TAF1B: variants seen among roughly 807,000 people sequenced by gnomAD.
TAF1B encodes the protein TATA box-binding protein-associated factor RNA polymerase I subunit B.
A neutral mutation model predicts 83.9 loss-of-function variants in TAF1B; 61 were observed. That is an observed-to-expected ratio of 0.73 (90% CI 0.59 to 0.90). The LOEUF (loss-of-function observed/expected upper bound fraction) is 0.90. TAF1B is among the 40% of genes least tolerant of loss of function. The pLI is 0.00. For synonymous variants in TAF1B, 221 were observed against 224.6 expected, an observed-to-expected ratio of 0.98 and a Z score of 0.14; for missense variants, 625 against 677.0, an observed-to-expected ratio of 0.92 and a Z score of 0.85.
At chr2:9,867,618 A>T (rs1664029187) in intron 5 of TAF1B, among the ~76,000 whole-genome samples, 1 of 151,994 alleles carries the variant, frequency 6.6e-6, no homozygotes, top group African/African-American at 2.4e-5. Flanking sequence ...TTTGACTGTG[A>T]TCGGTTTGCC....
chr2:9,864,782 A>G lies in TAF1B; in HGVS notation c.400-3494A>G, dbSNP rs1380754507. On this transcript the variant is annotated intron_variant, in intron 5 of 14. Coordinates refer to ENST00000263663, the MANE Select transcript of TAF1B (RefSeq NM_005680.3). ...CATCCCTGGGATGCAAGGCTGGTTC[A>G]ACATACAAAAATCAATAAACATAAT... 2.0e-5 allele frequency among the ~76,000 whole-genome samples: 3 copies of G among 152,182 alleles called. No individual in the cohort carries two copies. In the East Asian group the frequency reaches 5.8e-4, roughly 29 times the overall value.
chr2:9,882,903 G>GT, intron 8 of TAF1B, 98 bp downstream of exon 8: 1 of 829,540 alleles, frequency 1.2e-6, no homozygotes, highest in African/African-American at 1.7e-5. Flanking sequence ...GGTGTTTTGT[G>GT]TTTTATCCCA....
Position 9,856,366 on chromosome 2 carries a change from A to G in TAF1B, c.399+1945A>G, listed in dbSNP as rs181892405. On this transcript the variant is annotated intron_variant, in intron 5 of 14. Coordinates refer to ENST00000263663, the MANE Select transcript of TAF1B (RefSeq NM_005680.3). ...CGTTTGGAGAATGTTTTAAAATATG[A>G]GATAATGAATTTAAATAAACTCAAG... Among the ~76,000 whole-genome samples the G allele has an allele frequency of 2.6e-5, 4 of 152,184 alleles. No individual in the cohort carries two copies. In the East Asian group the frequency reaches 7.7e-4, roughly 29 times the overall value.
chr2:9,923,175 T>C (rs1015420018), intron 14 of TAF1B, among the ~76,000 whole-genome samples: 14 of 150,828 alleles, frequency 9.3e-5, no homozygotes, highest in East Asian at 1.9e-4. Context: ...GAGGCATTGG[T>C]TGCAGTGAGC....
rs548851089 is a variant in TAF1B, at chr2:9,850,761, C to T, written c.206-780C>T. Among the ~76,000 whole-genome samples, 8 of 152,262 alleles carry T rather than the reference C, an allele frequency of 5.3e-5. No homozygotes were observed. The East Asian group carries it at 9.6e-4, about 18-fold the overall frequency. On this transcript the variant is annotated intron_variant, in intron 3 of 14. Transcript: ENST00000263663. ...GTCTTCACAGACTTTTCCTTCAGCT[C>T]GTAGTTGTCATTAAACATGTAACTC...
In TAF1B at chr2:9,914,449, T is replaced by C. The variant is rs1665619892; in HGVS notation, c.1271+1200T>C. ...ATTTTGGAGAATCAGCCTTCCTTTC[T>C]GTGGTGCTAGCTGGGGTTAGTCCTG... On this transcript the variant is annotated intron_variant, in intron 12 of 14. Coordinates refer to ENST00000263663, the MANE Select transcript of TAF1B (RefSeq NM_005680.3). This position sits in a 1 kb window ranked among gnomAD's most constrained non-coding sequence, Gnocchi z 4.3. Among the ~76,000 whole-genome samples the C allele has an allele frequency of 6.6e-6, 1 of 152,150 alleles. No individual in the cohort carries two copies. Among genetic ancestry groups the C allele is most frequent in the Non-Finnish European group, 1.5e-5 (1 of 68,024 alleles).
intron 6 of TAF1B, among the ~76,000 whole-genome samples, chr2:9,870,106 TAATA>T (rs150012272): frequency 2.0e-4 from 31 of 151,882 alleles, no homozygotes; most frequent in Non-Finnish European, 3.8e-4. Flanking sequence ...TAAAGTATAA[TAATA>T]AATAAATTTT....
At chr2:9,905,628 A>T (rs1407032735) in intron 9 of TAF1B, among the ~76,000 whole-genome samples, 1 of 152,206 alleles carries the variant, frequency 6.6e-6, no homozygotes, top group Non-Finnish European at 1.5e-5. Flanking sequence ...ATTTCTTGTT[A>T]GACTAGAAAT....
chr2:9,886,785 G>A (rs1182089132), intron 8 of TAF1B, among the ~76,000 whole-genome samples: 7 of 152,148 alleles, frequency 4.6e-5, no homozygotes. Flanking sequence ...TTACATTGCC[G>A]GCCAGGCGCA....
intron 9 of TAF1B, among the ~76,000 whole-genome samples, chr2:9,908,011 A>G (rs1269392453): frequency 7.1e-6 from 1 of 141,128 alleles, no homozygotes; most frequent in Non-Finnish European, 1.5e-5. Context: ...TAAGCGGAGC[A>G]GTTCAAGATC....
intron 6 of TAF1B, among the ~76,000 whole-genome samples, chr2:9,875,440 A>G (rs1312269853): frequency 1.3e-5 from 2 of 152,238 alleles, no homozygotes; most frequent in Non-Finnish European, 2.9e-5. Context: ...GCTATGAAGA[A>G]ATACCCAAGA....
In TAF1B at chr2:9,933,783, C is replaced by T; in HGVS notation, c.1566C>T (p.Cys522=). The T allele has an allele frequency of 1.2e-6, 2 of 1,604,742 alleles. No individual in the cohort carries two copies. The highest frequency in any genetic ancestry group is 1.7e-6 in the Non-Finnish European group (2 of 1,176,608). ...ATTCTTTTTTCTTTTTCCCTTCTAG[C>T]TATTGTACACATGTGACAACCTATG... The part of the protein sequence containing the change: ...YWLSTQKFCR[C]YCTHVTTYEE... The change falls in exon 15 of 15, where the codon TGC becomes TGT. Residue 522 remains cysteine, a splice_region_variant and synonymous_variant. Transcript: ENST00000263663.
intron 8 of TAF1B, among the ~76,000 whole-genome samples, chr2:9,904,191 G>C (rs1665274602): frequency 6.6e-6 from 1 of 152,066 alleles, no homozygotes; most frequent in Non-Finnish European, 1.5e-5. Flanking sequence ...GAGTGTGGTG[G>C]GGGTTTGGTG....
At chr2:9,844,731 TC>T (rs149618457) in intron 1 of TAF1B, among the ~76,000 whole-genome samples, 9,311 of 152,208 alleles carry the variant, frequency 0.061, 309 homozygotes, top group African/African-American at 0.074. Flanking sequence ...CACCATTGAA[TC>T]CCCAGCACCT....
intron 5 of TAF1B, among the ~76,000 whole-genome samples, chr2:9,866,709 G>A (rs574398321): frequency 7.6e-4 from 116 of 152,248 alleles, no homozygotes; most frequent in East Asian, 3.9e-3. Context: ...ATGATAGACT[G>A]GATTAAGAAA....
chr2:9,864,910 C>T (rs547174589), intron 5 of TAF1B, among the ~76,000 whole-genome samples: 8 of 152,296 alleles, frequency 5.3e-5, no homozygotes, highest in Non-Finnish European at 8.8e-5. Context: ...TAAAAACTCT[C>T]AATAAATTAG....
chr2:9,887,414 T>A (rs1429139489), intron 8 of TAF1B, among the ~76,000 whole-genome samples: 1 of 152,240 alleles, frequency 6.6e-6, no homozygotes, highest in Non-Finnish European at 1.5e-5. Flanking sequence ...CTTCTGTTAC[T>A]GGAGCTCTAT....
chr2:9,895,974 C>T (rs933029991), intron 8 of TAF1B, among the ~76,000 whole-genome samples: 20 of 152,214 alleles, frequency 1.3e-4, no homozygotes, highest in African/African-American at 4.3e-4. Flanking sequence ...AGTAAACTCG[C>T]TGTAATATTT....
intron 12 of TAF1B, among the ~76,000 whole-genome samples, chr2:9,916,489 C>T (rs1341469467): frequency 6.6e-6 from 1 of 152,142 alleles, no homozygotes; most frequent in African/African-American, 2.4e-5. Context: ...GCATGATTGC[C>T]ACTTGTGTAG....
Sources: gnomAD v4.1 joint callset for allele counts (sites outside exome capture counted in the v4.1 genomes callset) on GRCh38, gnomAD v4.1.1 for gene constraint, Gnocchi (gnomAD v3.1) non-coding constraint, MANE v1.5 for transcripts, NCBI Gene and HGNC (gene_info 2026-07-23, HGNC 2026-07-21) for gene names.